Variants in MAP3K6 observed in about 807,000 individuals in gnomAD.
MAP3K6 encodes mitogen-activated protein kinase kinase kinase 6.
In MAP3K6, 105 loss-of-function variants were observed where a neutral mutation model predicts 147.1. That is an observed-to-expected ratio of 0.71 (90% CI 0.61 to 0.84). The LOEUF (loss-of-function observed/expected upper bound fraction) is 0.84. Ranked by LOEUF, MAP3K6 falls within the 40% of genes least tolerant of loss-of-function variation. The pLI, the probability that MAP3K6 is intolerant of heterozygous loss-of-function variation, is 0.00. For missense variants in MAP3K6, 1,569 were observed against 1,715.0 expected (o/e 0.91, Z 1.50); for synonymous variants, 695 against 732.4 (o/e 0.95, Z 0.82).
Position 27,357,584 on chromosome 1 carries a change from G to A in MAP3K6, c.3082-8C>T, listed in dbSNP as rs759067930. 1.9e-6 allele frequency: 3 copies of A among 1,602,332 alleles called. No individual in the cohort carries two copies. The Admixed American group carries it at 5.1e-5, about 27-fold the overall frequency. On this transcript the variant is annotated splice_polypyrimidine_tract_variant and splice_region_variant and intron_variant, in intron 22 of 28. Coordinates refer to ENST00000357582, the MANE Select transcript of MAP3K6 (RefSeq NM_004672.5). ...TCTGCCCAGACGGGCCCCCTGAGAAGGAAGAGAGGGGTTGTCAGCGAGTGC... is the reference window on the plus strand; with the variant it reads ...TCTGCCCAGACGGGCCCCCTGAGAAAGAAGAGAGGGGTTGTCAGCGAGTGC...
Position 27,364,790 on chromosome 1 carries a change from C to T in MAP3K6, c.463G>A (p.Asp155Asn), listed in dbSNP as rs2015916849. Residue 155 changes from aspartate (D) to asparagine (N), a missense_variant, in exon 2 of 29, where the codon GAC becomes AAC. Transcript: ENST00000357582. This position sits in a 1 kb window ranked among gnomAD's most constrained non-coding sequence, Gnocchi z 4.4. ...CCACCTACCCGCAGGGCCTGCAGGTCAGGGAGGTCGGCCTGGGAGCAGAGG... is the reference window on the plus strand; with the variant it reads ...CCACCTACCCGCAGGGCCTGCAGGTTAGGGAGGTCGGCCTGGGAGCAGAGG... ...VLLCSQADLPDLQALREDVFQ... is the reference protein window; with the variant it reads ...VLLCSQADLPNLQALREDVFQ... 6.2e-7 allele frequency: 1 copy of T among 1,613,766 alleles called. No homozygotes were observed. The highest frequency in any genetic ancestry group is 1.7e-5 in the Admixed American group (1 of 60,014).
chr1:27,357,091 G>C lies in MAP3K6; in HGVS notation c.3282C>G (p.Arg1094=). The part of the protein sequence containing the change: ...PDAVKQILRK[R]QIRPHWMFVL... ...CGAACATCCAGTGTGGACGGATCTG[G>C]CGCTTGCGGAGGATCTGCTTCACCT... Residue 1094 remains arginine, a synonymous_variant, in exon 24 of 29, where the codon CGC becomes CGG. Coordinates refer to ENST00000357582, the MANE Select transcript of MAP3K6 (RefSeq NM_004672.5). The C allele has an allele frequency of 1.2e-6, 2 of 1,614,050 alleles. No homozygotes were observed. Among genetic ancestry groups the C allele is most frequent in the Non-Finnish European group, 1.7e-6 (2 of 1,180,002 alleles).
chr1:27,360,473 G>T lies in MAP3K6; in HGVS notation c.2055-105C>A. The T allele has an allele frequency of 1.2e-6, 1 of 801,170 alleles. No individual in the cohort carries two copies. The highest frequency in any genetic ancestry group is 1.6e-6 in the Non-Finnish European group (1 of 628,264). 49.6% of individuals were successfully genotyped at this position (801,170 alleles called of 1,614,324 possible). A position where few individuals can be genotyped will look rare whatever the true frequency, so the allele number is the denominator to read the frequency against. On this transcript the variant is annotated intron_variant, in intron 15 of 28. Coordinates refer to ENST00000357582, the MANE Select transcript of MAP3K6 (RefSeq NM_004672.5). This position sits in a 1 kb window ranked among gnomAD's most constrained non-coding sequence, Gnocchi z 4.5. ...CCCCAAGGACCCGCCCCGCCCACAA[G>T]CCCTCTCCGACCTTCCCCACCCTTA...
rs539936762 is a variant in MAP3K6, at chr1:27,357,848, G to T, written c.2944C>A (p.Pro982Thr). The T allele has an allele frequency of 1.3e-6, 2 of 1,596,808 alleles. No homozygotes were observed. Among genetic ancestry groups the T allele is most frequent in the South Asian group, 1.1e-5 (1 of 89,344 alleles). ...CCCGAACTCTCCTCCGGAGACGCAG[G>T]CTCCTCGGCCGCAGGCTCCTCGGGC... ...RVPEEPAAEEPASPEESSGLS... is the reference protein window; with the variant it reads ...RVPEEPAAEETASPEESSGLS... Residue 982 changes from proline (P) to threonine (T), a missense_variant, in exon 22 of 29, where the codon CCT becomes ACT. Coordinates refer to ENST00000357582, the MANE Select transcript of MAP3K6 (RefSeq NM_004672.5).
intron 11 of MAP3K6, 24 bp from the exon 12 acceptor site, chr1:27,361,419 T>C: frequency 8.1e-6 from 13 of 1,612,928 alleles, no homozygotes; most frequent in Non-Finnish European, 1.1e-5. Flanking sequence ...TGGGGTGTGA[T>C]GGGGAGTGCT....
Position 27,358,821 on chromosome 1 carries a change from C to A in MAP3K6, c.2471G>T (p.Arg824Leu). 1 of 1,608,360 alleles carries A rather than the reference C, an allele frequency of 6.2e-7. No individual in the cohort carries two copies. Among genetic ancestry groups the A allele is most frequent in the South Asian group, 1.1e-5 (1 of 90,218 alleles). Reference sequence around the variant, plus strand: ...GATGTCAGCTGCTTTCCCATACCCGCGTGGGCCCTGGTCAATGATTTCTGG... The same window carrying A: ...GATGTCAGCTGCTTTCCCATACCCGAGTGGGCCCTGGTCAATGATTTCTGG... ...MAPEIIDQGP[R>L]GYGKAADIWS... The change falls in exon 19 of 29, where the codon CGC becomes CTC. Residue 824 changes from arginine (R) to leucine (L), a missense_variant. Physicochemically the swap from Arg to Leu is moderately radical, Grantham distance 102. Transcript: ENST00000357582. This position sits in a 1 kb window ranked among gnomAD's most constrained non-coding sequence, Gnocchi z 6.2.
chr1:27,363,586 T>C, intron 5 of MAP3K6, 38 bp from the exon 6 acceptor site: 1 of 1,509,904 alleles, frequency 6.6e-7, no homozygotes, highest in Non-Finnish European at 9.0e-7. Flanking sequence ...ATCATGGGCC[T>C]CCAGGCCCCA....
In MAP3K6 at chr1:27,355,723, A is replaced by C; in HGVS notation, c.3734T>G (p.Leu1245Arg). 1 of 1,613,998 alleles carries C rather than the reference A, an allele frequency of 6.2e-7. No individual in the cohort carries two copies. Among genetic ancestry groups the C allele is most frequent in the South Asian group, 1.1e-5 (1 of 91,060 alleles). The change falls in exon 28 of 29, where the codon CTC (leucine) becomes CGC (arginine). Residue 1245 changes from leucine to arginine, a missense_variant. Physicochemically the swap from Leu to Arg is moderately radical, Grantham distance 102. Coordinates refer to ENST00000357582, the MANE Select transcript of MAP3K6 (RefSeq NM_004672.5). ...AGTGGCATAGGTGAGCAGAGTGTGG[A>C]GGGTGAAGCTATGGTTCAACAGCTG... ...IQMLLNHSFT[L>R]HTLLTYATRD... is the part of the protein sequence containing the mutation.
In MAP3K6 at chr1:27,359,987, C is replaced by T. The variant is rs773127186; in HGVS notation, c.2190G>A (p.Leu730=). The T allele has an allele frequency of 1.9e-6, 3 of 1,614,052 alleles. No homozygotes were observed. The highest frequency in any genetic ancestry group is 4.5e-5 in the East Asian group (2 of 44,872). ...CCCACACCGACCGCAGCAAGGAGGA[C>T]AGGCTGCCTGGGTGGGGACAGTCCA... ...IFMEEVPGGS[L]SSLLRSVWGP... is the part of the protein sequence containing the mutation. Residue 730 remains leucine, a synonymous_variant, in exon 17 of 29, where the codon CTG becomes CTA. Coordinates refer to ENST00000357582, the MANE Select transcript of MAP3K6 (RefSeq NM_004672.5). This position sits in a 1 kb window ranked among gnomAD's most constrained non-coding sequence, Gnocchi z 4.4.
chr1:27,359,838 G>A lies in MAP3K6; in HGVS notation c.2319+20C>T, dbSNP rs750251884. 1.9e-6 allele frequency: 3 copies of A among 1,613,894 alleles called. No individual in the cohort carries two copies. Among genetic ancestry groups the A allele is most frequent in the Non-Finnish European group, 2.5e-6 (3 of 1,179,880 alleles). On this transcript the variant is annotated intron_variant, in intron 17 of 28. Coordinates refer to ENST00000357582, the MANE Select transcript of MAP3K6 (RefSeq NM_004672.5). This position sits in a 1 kb window ranked among gnomAD's most constrained non-coding sequence, Gnocchi z 4.4. Reference sequence around the variant, plus strand: ...CCCGCCACCCTCAGCAGATGAGGGCGGGCCAGCCCCAGGGCTTACTTTTAT... The same window carrying A: ...CCCGCCACCCTCAGCAGATGAGGGCAGGCCAGCCCCAGGGCTTACTTTTAT...
intron 5 of MAP3K6, 44 bp downstream of exon 5, chr1:27,363,873 C>T: frequency 1.3e-6 from 2 of 1,496,548 alleles, no homozygotes. Context: ...GTTTGTCTGA[C>T]CTCAAATGCC....
In MAP3K6 at chr1:27,363,399, A is replaced by G. The variant is rs182728533; in HGVS notation, c.971+43T>C. ...TGCACGCAGAGACCTAGGTTTCGGAAACCTTTATGTGGCTATGACCTAACC... is the reference window on the plus strand; with the variant it reads ...TGCACGCAGAGACCTAGGTTTCGGAGACCTTTATGTGGCTATGACCTAACC... On this transcript the variant is annotated intron_variant, in intron 6 of 28. Transcript: ENST00000357582. 2.8e-4 allele frequency: 428 copies of G among 1,532,044 alleles called. 1 individual carries two copies. Among genetic ancestry groups the G allele is most frequent in the Admixed American group, 4.1e-4 (21 of 50,630 alleles). 94.9% of individuals were successfully genotyped at this position (1,532,044 alleles called of 1,614,324 possible).
chr1:27,361,252 G>T lies in MAP3K6; in HGVS notation c.1737C>A (p.Ser579Arg). ...AGCAGCGCTCGTCGCGCTTTGAGGC[G>T]CTGGGAAGGGATGAAGAACCCAGTA... is the stretch of plus-strand genomic sequence containing the variant. Reference protein sequence around the residue: ...TFPVASICGVSASKRDERCCF... With the variant: ...TFPVASICGVRASKRDERCCF... Residue 579 changes from serine to arginine, a missense_variant and splice_region_variant, in exon 13 of 29, where the codon AGC becomes AGA. Physicochemically the swap from Ser to Arg is moderately radical, Grantham distance 110. Transcript: ENST00000357582. The T allele has an allele frequency of 6.2e-7, 1 of 1,613,490 alleles. No individual in the cohort carries two copies. Among genetic ancestry groups the T allele is most frequent in the Non-Finnish European group, 8.5e-7 (1 of 1,179,828 alleles).
rs1571078397 is a variant in MAP3K6, at chr1:27,364,523, G to T, written c.505-129C>A. 5.9e-6 allele frequency: 9 copies of T among 1,535,582 alleles called. No individual in the cohort carries two copies. In the East Asian group the frequency reaches 1.6e-4, roughly 27 times the overall value. ...AGGAAAGGGGCACCCGTCATGAGAGGAGGCAACAGGAAACAGAGGAATACT... is the reference window on the plus strand; with the variant it reads ...AGGAAAGGGGCACCCGTCATGAGAGTAGGCAACAGGAAACAGAGGAATACT... On this transcript the variant is annotated intron_variant, in intron 3 of 28. Coordinates refer to ENST00000357582, the MANE Select transcript of MAP3K6 (RefSeq NM_004672.5). The surrounding 1 kb of genome is among the most constrained non-coding windows in gnomAD (Gnocchi z 4.4).
rs574486043 is a variant in MAP3K6, at chr1:27,363,379, G to T, written c.971+63C>A. The T allele has an allele frequency of 6.5e-6, 9 of 1,375,900 alleles. No homozygotes were observed. In the Admixed American group the frequency reaches 2.0e-4, roughly 30 times the overall value. 85.2% of individuals were successfully genotyped at this position (1,375,900 alleles called of 1,614,324 possible). The stretch of plus-strand genomic sequence containing the variant: ...ATCCCAGACAGCAATGGCTTTGCAC[G>T]CAGAGACCTAGGTTTCGGAAACCTT... On this transcript the variant is annotated intron_variant, in intron 6 of 28. Transcript: ENST00000357582.
In MAP3K6 at chr1:27,359,786, G is replaced by A; in HGVS notation, c.2319+72C>T. On this transcript the variant is annotated intron_variant, in intron 17 of 28. Transcript: ENST00000357582. The surrounding 1 kb of genome is among the most constrained non-coding windows in gnomAD (Gnocchi z 4.4). ...TCTGCTCACTTAATCTAAACTGCCAGCCTGCGTCTGGGACCATGTTTCCTT... is the reference window on the plus strand; with the variant it reads ...TCTGCTCACTTAATCTAAACTGCCAACCTGCGTCTGGGACCATGTTTCCTT... The A allele has an allele frequency of 1.9e-6, 3 of 1,598,296 alleles. No individual in the cohort carries two copies. Among genetic ancestry groups the A allele is most frequent in the Non-Finnish European group, 2.6e-6 (3 of 1,168,734 alleles).
chr1:27,361,291 G>A lies in MAP3K6; in HGVS notation c.1737-39C>T, dbSNP rs369989022. ...AAGAACCCAGTAAGCGTCAGGCTGG[G>A]TGGCAGCGACCCTCACCTCCCGTCT... On this transcript the variant is annotated intron_variant, in intron 12 of 28. Transcript: ENST00000357582. 49 of 1,613,754 alleles carry A rather than the reference G, an allele frequency of 3.0e-5. 1 individual carries two copies. In the African/African-American group the frequency reaches 4.9e-4, roughly 16 times the overall value.
At position 27,361,152 on chromosome 1, in the gene MAP3K6, C is replaced by T. The variant is rs750160659; in HGVS notation, c.1832+5G>A. 2 of 1,603,736 alleles carry T rather than the reference C, an allele frequency of 1.2e-6. No homozygotes were observed. Among genetic ancestry groups the T allele is most frequent in the Admixed American group, 1.7e-5 (1 of 58,118 alleles). On this transcript the variant is annotated splice_donor_5th_base_variant and intron_variant, in intron 13 of 28. Coordinates refer to ENST00000357582, the MANE Select transcript of MAP3K6 (RefSeq NM_004672.5). ...AGAGTACCCCGACCATGAAAGGCTG[C>T]GCACCACTGGCAGTGCCCTACGCTG...
At chr1:27,362,350 G>T in intron 8 of MAP3K6, 100 bp from the exon 9 acceptor site, 1 of 1,241,400 alleles carries the variant, frequency 8.1e-7, no homozygotes, top group Non-Finnish European at 1.1e-6. Flanking sequence ...ATAGATATGA[G>T]TATGGCATTG....
Sources: gnomAD v4.1 joint callset for allele counts on GRCh38, gnomAD v4.1.1 for gene constraint, Gnocchi (gnomAD v3.1) non-coding constraint, MANE v1.5 for transcripts, NCBI Gene and HGNC (gene_info 2026-07-23, HGNC 2026-07-21) for gene names.